The following FBXL20 variants were observed in gnomAD, a reference collection of about 807,000 sequenced individuals.
FBXL20 encodes the protein F-box/LRR-repeat protein 20.
A neutral mutation model predicts 64.0 loss-of-function variants in FBXL20; 11 were observed. That is an observed-to-expected ratio of 0.17 (90% CI 0.11 to 0.28). The LOEUF (loss-of-function observed/expected upper bound fraction) is 0.28, where lower values mean the gene tolerates loss of function less well. Ranked by LOEUF, FBXL20 falls within the 10% of genes least tolerant of loss-of-function variation. The probability of loss-of-function intolerance (pLI) is 1.00; values close to 1 mark genes in which losing one functional copy is unlikely to be tolerated. For missense variants in FBXL20, 303 were observed against 526.2 expected (o/e 0.58, Z 4.15); for synonymous variants, 184 against 189.0 (o/e 0.97, Z 0.22).
At chr17:39,308,988 C>T (rs890410701) in intron 2 of FBXL20, among the ~76,000 whole-genome samples, 4 of 152,214 alleles carry the variant, frequency 2.6e-5, no homozygotes, top group South Asian at 2.1e-4. Context: ...TGTGCCACCA[C>T]GCCTGACTAA....
At chr17:39,372,581 C>G (rs1245297367) in intron 1 of FBXL20, among the ~76,000 whole-genome samples, 1 of 147,506 alleles carries the variant, frequency 6.8e-6, no homozygotes, top group Non-Finnish European at 1.5e-5. Flanking sequence ...GAAAATGAGC[C>G]AATGACTGTT....
At chr17:39,323,380 A>G (rs987311220) in intron 2 of FBXL20, among the ~76,000 whole-genome samples, 7 of 152,180 alleles carry the variant, frequency 4.6e-5, no homozygotes, top group Admixed American at 1.3e-4. Flanking sequence ...ACAATATAAA[A>G]TATCTGCTTT....
intron 2 of FBXL20, among the ~76,000 whole-genome samples, chr17:39,309,153 C>T (rs1011957846): frequency 1.3e-5 from 2 of 152,136 alleles, no homozygotes; most frequent in East Asian, 1.9e-4. Context: ...TATAATAGGA[C>T]TAAAAGTTAC....
chr17:39,386,802 G>A (rs940728915), intron 1 of FBXL20, among the ~76,000 whole-genome samples: 8 of 152,122 alleles, frequency 5.3e-5, no homozygotes. Context: ...TTCCAATAAA[G>A]ATTATGTGGA....
intron 1 of FBXL20, among the ~76,000 whole-genome samples, chr17:39,349,147 G>A (rs2047662380): frequency 6.6e-6 from 1 of 151,784 alleles, no homozygotes; most frequent in Admixed American, 6.6e-5. Flanking sequence ...AGCTACTTGG[G>A]AGGCTGAAGC....
chr17:39,312,908 AAGAT>A (rs1417590673), intron 2 of FBXL20, among the ~76,000 whole-genome samples: 1 of 135,808 alleles, frequency 7.4e-6, no homozygotes, highest in Non-Finnish European at 1.5e-5. Flanking sequence ...TTTGATAATG[AAGAT>A]AGTTACTTTT....
At position 39,261,373 on chromosome 17, in the gene FBXL20, C is replaced by A; in HGVS notation, c.*87G>T. On this transcript the variant is annotated 3_prime_UTR_variant, in exon 15 of 15. Transcript: ENST00000264658. ...CACTTTGTAACCCTTGCTCAGAACA[C>A]TGGGGTTGCTTCCACTGGAGAGACT... 9.3e-7 allele frequency: 1 copy of A among 1,078,430 alleles called. No homozygotes were observed. Among genetic ancestry groups the A allele is most frequent in the South Asian group, 1.3e-5 (1 of 79,750 alleles). 66.8% of individuals were successfully genotyped at this position (1,078,430 alleles called of 1,614,324 possible).
chr17:39,348,467 G>GAA (rs57596962), intron 1 of FBXL20, among the ~76,000 whole-genome samples: 7,039 of 148,386 alleles, frequency 0.047, 331 homozygotes, highest in African/African-American at 0.12. Flanking sequence ...TCAAAAAAAA[G>GAA]AAAAAAAAAA....
At chr17:39,286,407 G>T (rs879742160) in intron 6 of FBXL20, among the ~76,000 whole-genome samples, 35 of 152,010 alleles carry the variant, frequency 2.3e-4, no homozygotes, top group Non-Finnish European at 4.6e-4. Context: ...TAGAGATGGG[G>T]TTTTGCCATG....
chr17:39,333,078 T>C (rs533465086), intron 2 of FBXL20, among the ~76,000 whole-genome samples: 2 of 151,968 alleles, frequency 1.3e-5, no homozygotes, highest in African/African-American at 2.4e-5. Context: ...GCTCAGATTA[T>C]AGGCCTGAGT....
intron 6 of FBXL20, among the ~76,000 whole-genome samples, chr17:39,288,089 G>A (rs1183852895): frequency 1.3e-5 from 2 of 150,032 alleles, no homozygotes; most frequent in Non-Finnish European, 2.9e-5. Flanking sequence ...TCAGCCTCCA[G>A]AGTAGCTGGG....
At chr17:39,340,568 A>G (rs552975644) in intron 2 of FBXL20, among the ~76,000 whole-genome samples, 2 of 152,328 alleles carry the variant, frequency 1.3e-5, no homozygotes, top group African/African-American at 4.8e-5. Context: ...GATTTTGATA[A>G]CTGATATTAT....
chr17:39,364,310 T>G (rs1319734496), intron 1 of FBXL20, among the ~76,000 whole-genome samples: 1 of 152,166 alleles, frequency 6.6e-6, no homozygotes, highest in African/African-American at 2.4e-5. Flanking sequence ...GTGACTTGAT[T>G]TGACCAAAAG....
chr17:39,401,657 ACTCCCCAC>A (rs2048246794), upstream of FBXL20: 1 of 1,182,180 alleles, frequency 8.5e-7, no homozygotes. Flanking sequence ...AAACAAAAAC[ACTCCCCAC>A]CTGCCAGCAA....
At chr17:39,297,886 C>T (rs112350075) in intron 5 of FBXL20, among the ~76,000 whole-genome samples, 4 of 152,066 alleles carry the variant, frequency 2.6e-5, no homozygotes, top group African/African-American at 9.6e-5. Flanking sequence ...CAGGCACGCA[C>T]CACCATGCCC....
intron 7 of FBXL20, among the ~76,000 whole-genome samples, chr17:39,285,139 C>T (rs1280029339): frequency 6.6e-6 from 1 of 151,956 alleles, no homozygotes; most frequent in South Asian, 2.1e-4. Flanking sequence ...CTCTTGACCT[C>T]GTGATCTGCC....
At chr17:39,337,310 T>C (rs533742676) in intron 2 of FBXL20, among the ~76,000 whole-genome samples, 6 of 152,104 alleles carry the variant, frequency 3.9e-5, no homozygotes, top group East Asian at 3.9e-4. Flanking sequence ...CAGGCTGGAG[T>C]GCAGTGGTGT....
chr17:39,366,815 C>G (rs2047864312), intron 1 of FBXL20, among the ~76,000 whole-genome samples: 1 of 151,094 alleles, frequency 6.6e-6, no homozygotes, highest in Non-Finnish European at 1.5e-5. Flanking sequence ...AGTATATTCT[C>G]TTTATCCTCA....
chr17:39,303,131 T>C (rs1256686965), intron 3 of FBXL20, among the ~76,000 whole-genome samples: 1 of 152,124 alleles, frequency 6.6e-6, no homozygotes, highest in Non-Finnish European at 1.5e-5. Context: ...CATCAACATG[T>C]GACTTCATGT....
Sources: allele counts gnomAD v4.1 joint callset (sites outside exome capture counted in the v4.1 genomes callset), GRCh38; gene constraint gnomAD v4.1.1; transcripts MANE v1.5; gene names NCBI Gene and HGNC (gene_info 2026-07-23, HGNC 2026-07-21).